NR5A2: variants seen among roughly 807,000 people sequenced by gnomAD.
NR5A2 encodes nuclear receptor subfamily 5 group A member 2, also known as CYP7A promoter-binding factor.
Under a neutral mutation model 62.7 loss-of-function variants are expected in NR5A2, and 26 were observed. The ratio of observed to expected loss-of-function variants is 0.41; its 90% confidence interval spans 0.30 to 0.58. NR5A2 has a LOEUF of 0.58. Among genes scored for constraint, NR5A2 ranks in the 20% least tolerant of loss-of-function variants. NR5A2 has a pLI of 0.22. For missense variants in NR5A2, 541 were observed against 669.1 expected (o/e 0.81, Z 2.11); for synonymous variants, 246 against 241.7 (o/e 1.02, Z -0.16).
chr1:200,115,506 T>G (rs149416268), intron 6 of NR5A2, among the ~76,000 whole-genome samples: 467 of 152,284 alleles, frequency 3.1e-3, no homozygotes, highest in Middle Eastern at 0.031. Context: ...AGCTTGGTAC[T>G]CACTTGTAGG....
At chr1:200,098,624 G>A (rs1260525401) in intron 5 of NR5A2, among the ~76,000 whole-genome samples, 1 of 152,202 alleles carries the variant, frequency 6.6e-6, no homozygotes, top group Admixed American at 6.5e-5. Context: ...CACCTAGCCT[G>A]AGTTTCCTCT....
intron 6 of NR5A2, among the ~76,000 whole-genome samples, chr1:200,112,437 T>C (rs1368167724): frequency 6.6e-6 from 1 of 152,190 alleles, no homozygotes; most frequent in East Asian, 1.9e-4. Flanking sequence ...TCAGCAATGG[T>C]GACTTCAGTA....
intron 5 of NR5A2, among the ~76,000 whole-genome samples, chr1:200,062,129 G>A (rs866851765): frequency 9.2e-5 from 14 of 151,924 alleles, no homozygotes; most frequent in African/African-American, 2.4e-4. Flanking sequence ...CTTAATTAGC[G>A]TTCCTTATTT....
chr1:200,159,637 T>C (rs925585232), intron 7 of NR5A2, among the ~76,000 whole-genome samples: 31 of 136,336 alleles, frequency 2.3e-4, no homozygotes, highest in African/African-American at 7.9e-4. Context: ...ATTTTTTAAA[T>C]TATTTATTAT....
At chr1:200,119,636 T>G (rs768632452) in intron 6 of NR5A2, among the ~76,000 whole-genome samples, 3 of 150,960 alleles carry the variant, frequency 2.0e-5, no homozygotes, top group Non-Finnish European at 3.0e-5. Flanking sequence ...TAGCAACACT[T>G]TTTTTTTTGA....
chr1:200,055,282 A>G (rs2821380), intron 5 of NR5A2, among the ~76,000 whole-genome samples: 46,199 of 150,950 alleles, frequency 0.31, 9,155 homozygotes, highest in African/African-American at 0.57. Context: ...TGCAACCTCC[A>G]CCTCCCAGGT....
chr1:200,117,004 T>C (rs2885818), intron 6 of NR5A2, among the ~76,000 whole-genome samples: 37,069 of 152,086 alleles, frequency 0.24, 5,055 homozygotes, highest in Admixed American at 0.32. Flanking sequence ...TCTTATAATA[T>C]ACAAGTCATC....
At chr1:200,068,046 A>G (rs1383562246) in intron 5 of NR5A2, among the ~76,000 whole-genome samples, 1 of 152,254 alleles carries the variant, frequency 6.6e-6, no homozygotes, top group Non-Finnish European at 1.5e-5. Flanking sequence ...GTCTTGGCAT[A>G]GACCCAATTT....
At chr1:200,028,380 T>A (rs1450714579) in intron 1 of NR5A2, among the ~76,000 whole-genome samples, 1 of 150,202 alleles carries the variant, frequency 6.7e-6, no homozygotes, top group Non-Finnish European at 1.5e-5. Context: ...CCGTAAAAAA[T>A]TTTCATTTTA....
At chr1:200,092,431 G>A (rs555424325) in intron 5 of NR5A2, among the ~76,000 whole-genome samples, 2 of 152,268 alleles carry the variant, frequency 1.3e-5, no homozygotes, top group African/African-American at 4.8e-5. Context: ...TGTACCACTA[G>A]GCAAAGGTCA....
At chr1:200,142,273 C>T (rs940527575) in intron 7 of NR5A2, among the ~76,000 whole-genome samples, 1 of 139,984 alleles carries the variant, frequency 7.1e-6, no homozygotes, top group African/African-American at 2.7e-5. Flanking sequence ...GATCTCAGCT[C>T]ACTGCGACCT....
chr1:200,163,277 AAAAG>A (rs929893694), intron 7 of NR5A2, among the ~76,000 whole-genome samples: 5 of 151,180 alleles, frequency 3.3e-5, no homozygotes, highest in Admixed American at 6.6e-5. Context: ...AAAAAAAAAA[AAAAG>A]AAGAAGAAAG....
rs185551966 is a variant in NR5A2, at chr1:200,175,691, T to G, written c.*1481T>G. ...TGATATAACAAAATAGCAAAAGCGG[T>G]AATTTCCTTAATGTTATTTTTCTGA... On this transcript the variant is annotated 3_prime_UTR_variant, in exon 8 of 8. Coordinates refer to ENST00000367362, the MANE Select transcript of NR5A2 (RefSeq NM_205860.3). 6.5e-6 allele frequency: 1 copy of G among 152,748 alleles called. No individual in the cohort carries two copies. The highest frequency in any genetic ancestry group is 1.9e-4 in the East Asian group (1 of 5,192). The allele number at this position is 152,748 out of a possible 1,614,324, so 9.5% of individuals were successfully genotyped here.
At chr1:200,094,340 A>G (rs1025619596) in intron 5 of NR5A2, among the ~76,000 whole-genome samples, 1 of 151,148 alleles carries the variant, frequency 6.6e-6, no homozygotes, top group South Asian at 2.1e-4. Flanking sequence ...GCGGGCTACC[A>G]CACCTGCCTG....
chr1:200,048,245 G>A lies in NR5A2; in HGVS notation c.537G>A (p.Lys179=). ...GPMYKRDRAL[K]QQKKALIRAN... ...TGTACAAGAGAGACAGGGCCCTGAA[G>A]CAACAGAAAAAAGCCCTCATCCGAG... Residue 179 remains lysine, a synonymous_variant, in exon 5 of 8, where the codon AAG becomes AAA. Transcript: ENST00000367362. The surrounding 1 kb of genome is among the most constrained non-coding windows in gnomAD (Gnocchi z 4.8). 1 of 1,614,082 alleles carries A rather than the reference G, an allele frequency of 6.2e-7. No individual in the cohort carries two copies. The highest frequency in any genetic ancestry group is 8.5e-7 in the Non-Finnish European group (1 of 1,180,024).
chr1:200,038,390 G>A (rs1207095644), intron 1 of NR5A2, among the ~76,000 whole-genome samples: 2 of 152,194 alleles, frequency 1.3e-5, no homozygotes, highest in Non-Finnish European at 2.9e-5. Flanking sequence ...TGGGGAAAGA[G>A]GAGTCGCTGC....
At position 200,176,441 on chromosome 1, in the gene NR5A2, C is replaced by T. The variant is rs1259818806; in HGVS notation, c.*2231C>T. The T allele has an allele frequency of 1.3e-5, 2 of 152,538 alleles. No individual in the cohort carries two copies. Among genetic ancestry groups the T allele is most frequent in the Non-Finnish European group, 2.9e-5 (2 of 68,046 alleles). The allele number at this position is 152,538 out of a possible 1,614,324, so 9.4% of individuals were successfully genotyped here. On this transcript the variant is annotated 3_prime_UTR_variant, in exon 8 of 8. Coordinates refer to ENST00000367362, the MANE Select transcript of NR5A2 (RefSeq NM_205860.3). ...GACAATGCAAAATCGCCGATCAGAG[C>T]TCATACCCAAAGCATTACAGAGAAC...
At chr1:200,118,407 C>CAAGAA (rs1666338669) in intron 6 of NR5A2, among the ~76,000 whole-genome samples, 1 of 152,202 alleles carries the variant, frequency 6.6e-6, no homozygotes, top group African/African-American at 2.4e-5. Context: ...AATTGTTAAT[C>CAAGAA]TTGTCCCATC....
chr1:200,130,120 T>C (rs569735022), intron 7 of NR5A2, among the ~76,000 whole-genome samples: 13 of 152,268 alleles, frequency 8.5e-5, no homozygotes, highest in African/African-American at 2.9e-4. Flanking sequence ...GTGTTCCTAT[T>C]GTGTGGGAGG....
Sources: allele counts gnomAD v4.1 joint callset (sites outside exome capture counted in the v4.1 genomes callset), GRCh38; gene constraint gnomAD v4.1.1; non-coding constraint Gnocchi (gnomAD v3.1); transcripts MANE v1.5; gene names NCBI Gene and HGNC (gene_info 2026-07-23, HGNC 2026-07-21).